Variants in HUWE1 observed in about 807,000 individuals in gnomAD.
HUWE1 encodes E3 ubiquitin-protein ligase HUWE1.
Under a neutral mutation model 299.4 loss-of-function variants are expected in HUWE1, and 18 were observed. That is an observed-to-expected ratio of 0.06 (90% CI 0.04 to 0.09). The LOEUF (loss-of-function observed/expected upper bound fraction) is 0.09, where lower values mean the gene tolerates loss of function less well. Ranked by LOEUF, HUWE1 falls within the 10% of genes least tolerant of loss-of-function variation. The pLI is 1.00. For synonymous variants in HUWE1, 1,317 were observed against 1,286.1 expected (o/e 1.02, Z -0.51); for missense variants, 1,832 against 3,462.3 (o/e 0.53, Z 11.82).
chrX:53,645,736 AATATATATATATATATATATATATAT>A lies in HUWE1; in HGVS notation c.352-299_352-274del, dbSNP rs1175668846. ...TCAAAAAAAGAAAAAAAAAAAAAAA[AATATATATATATATATATATATATAT>A]ATATATATATATATGTATTTGATAA... On this transcript the variant is annotated intron_variant, in intron 6 of 83. Transcript: ENST00000262854. 7.7e-4 allele frequency among the ~76,000 whole-genome samples: 20 copies of A among 26,129 alleles called. 2 individuals carry two copies. Among genetic ancestry groups the A allele is most frequent in the African/African-American group, 3.0e-3 (20 of 6,635 alleles). 22.7% of individuals were successfully genotyped at this position (26,129 alleles called of 115,157 possible). A position where few individuals can be genotyped will look rare whatever the true frequency, so the allele number is the denominator to read the frequency against.
chrX:53,642,066 T>G (rs2149207646), intron 7 of HUWE1, among the ~76,000 whole-genome samples: 1 of 111,587 alleles, frequency 9.0e-6, no homozygotes, highest in South Asian at 3.8e-4. Context: ...AAGTTTAATA[T>G]ATACTATAAT....
At chrX:53,589,250 A>G (rs1351521725) in intron 36 of HUWE1, among the ~76,000 whole-genome samples, 1 of 112,178 alleles carries the variant, frequency 8.9e-6, no homozygotes, top group Non-Finnish European at 1.9e-5. Context: ...TACATAGGAA[A>G]AAACATTTAT....
chrX:53,665,952 C>G (rs1161563536), intron 3 of HUWE1, among the ~76,000 whole-genome samples: 1 of 110,546 alleles, frequency 9.0e-6, no homozygotes, highest in Non-Finnish European at 1.9e-5. Context: ...GGAGTTTTCC[C>G]GAGACCAGCC....
At chrX:53,596,973 T>G (rs782169274) in intron 29 of HUWE1, among the ~76,000 whole-genome samples, 1 of 112,551 alleles carries the variant, frequency 8.9e-6, no homozygotes. Context: ...CTTGCACTTT[T>G]GTGAAATCTT....
chrX:53,632,596 T>C lies in HUWE1; in HGVS notation c.568-32A>G, dbSNP rs192988803. Reference sequence around the variant, plus strand: ...ATAAAGCACATCAAAGAATCAGACATTGAGTTTCAACTGATTATAAACATT... The same window carrying C: ...ATAAAGCACATCAAAGAATCAGACACTGAGTTTCAACTGATTATAAACATT... On this transcript the variant is annotated intron_variant, in intron 8 of 83. Coordinates refer to ENST00000262854, the MANE Select transcript of HUWE1 (RefSeq NM_031407.7). The C allele has an allele frequency of 1.9e-5, 20 of 1,029,430 alleles. No individual in the cohort carries two copies. The Admixed American group carries it at 2.4e-4, about 12-fold the overall frequency. The allele number at this position is 1,029,430 out of a possible 1,213,427, so 84.8% of individuals were successfully genotyped here.
intron 3 of HUWE1, among the ~76,000 whole-genome samples, chrX:53,658,141 G>A (rs1191440501): frequency 9.2e-6 from 1 of 108,648 alleles, no homozygotes; most frequent in Non-Finnish European, 1.9e-5. Context: ...CCCCAAAACT[G>A]AAAAACTTAG....
chrX:53,674,086 T>C (rs1359208985), intron 3 of HUWE1, among the ~76,000 whole-genome samples: 2 of 111,963 alleles, frequency 1.8e-5, no homozygotes, highest in Non-Finnish European at 3.8e-5. Context: ...CAAATTATTT[T>C]TTATCAATCT....
At position 53,618,510 on chromosome X, in the gene HUWE1, T is replaced by A. The variant is rs368763808; in HGVS notation, c.1673-1064A>T. On this transcript the variant is annotated intron_variant, in intron 19 of 83. Transcript: ENST00000262854. ...TGTATAGTTTAATAAGAAAATGTCA[T>A]AAAAATCAAATCTCAGGAAGTGACA... Among the ~76,000 whole-genome samples the A allele has an allele frequency of 3.2e-4, 35 of 108,514 alleles. No homozygotes were observed. In the East Asian group the frequency reaches 6.8e-3, roughly 21 times the overall value. The allele number at this position is 108,514 out of a possible 115,157, so 94.2% of individuals were successfully genotyped here. A position where few individuals can be genotyped will look rare whatever the true frequency, so the allele number is the denominator to read the frequency against.
chrX:53,619,769 A>G (rs1441468898), intron 19 of HUWE1, among the ~76,000 whole-genome samples: 8 of 111,557 alleles, frequency 7.2e-5, no homozygotes, highest in Non-Finnish European at 1.3e-4. Flanking sequence ...GTACTTCAAT[A>G]GAACTGAAAA....
chrX:53,604,240 T>G (rs782266580), intron 26 of HUWE1, among the ~76,000 whole-genome samples: 2 of 112,066 alleles, frequency 1.8e-5, no homozygotes, highest in Non-Finnish European at 3.8e-5. Flanking sequence ...ATTTGTTAAT[T>G]ACTATTGATT....
At position 53,544,489 on chromosome X, in the gene HUWE1, C is replaced by A. The variant is rs1394217659; in HGVS notation, c.11251+71G>T. ...ACAGGAAGGAGACAGGCCGTTAAGT[C>A]CTGCACCTCCAAGGAATCTGGCTTT... On this transcript the variant is annotated intron_variant, in intron 72 of 83. Coordinates refer to ENST00000262854, the MANE Select transcript of HUWE1 (RefSeq NM_031407.7). 2.0e-5 allele frequency: 17 copies of A among 864,326 alleles called. No homozygotes were observed. The East Asian group carries it at 5.4e-4, about 28-fold the overall frequency. 71.2% of individuals were successfully genotyped at this position (864,326 alleles called of 1,213,427 possible).
At chrX:53,673,768 A>G (rs1184378903) in intron 3 of HUWE1, among the ~76,000 whole-genome samples, 1 of 111,846 alleles carries the variant, frequency 8.9e-6, no homozygotes, top group Non-Finnish European at 1.9e-5. Context: ...AATGTTAAAA[A>G]TGATCAATTC....
chrX:53,665,984 C>T (rs1223802099), intron 3 of HUWE1, among the ~76,000 whole-genome samples: 2 of 110,837 alleles, frequency 1.8e-5, no homozygotes, highest in Admixed American at 9.6e-5. Flanking sequence ...GTGAGACCTC[C>T]GTCTCTACAA....
At chrX:53,583,296 A>C (rs1446578358) in intron 42 of HUWE1, among the ~76,000 whole-genome samples, 1 of 108,072 alleles carries the variant, frequency 9.3e-6, no homozygotes. Flanking sequence ...TGGTTAATGA[A>C]ACCTAGATTA....
At chrX:53,677,488 CTG>C (rs1346887081) in intron 3 of HUWE1, among the ~76,000 whole-genome samples, 3 of 108,421 alleles carry the variant, frequency 2.8e-5, no homozygotes, top group Non-Finnish European at 5.7e-5. Flanking sequence ...AACTTGAACT[CTG>C]TGAATCTAGC....
intron 22 of HUWE1, among the ~76,000 whole-genome samples, chrX:53,615,451 C>T (rs961639461): frequency 3.6e-5 from 4 of 111,054 alleles, no homozygotes; most frequent in African/African-American, 1.3e-4. Flanking sequence ...TGGTCTCAAA[C>T]TCCTGGCCTC....
intron 33 of HUWE1, 140 bp downstream of exon 33, chrX:53,592,258 C>T: frequency 1.9e-6 from 1 of 517,537 alleles, no homozygotes; most frequent in Non-Finnish European, 3.4e-6. Flanking sequence ...AAAATAAATA[C>T]TAAGAGAAGG....
At chrX:53,649,573 T>C (rs1428900202) in intron 4 of HUWE1, among the ~76,000 whole-genome samples, 3 of 112,226 alleles carry the variant, frequency 2.7e-5, no homozygotes, top group Non-Finnish European at 3.8e-5. Context: ...GGTAATTAAA[T>C]ATATGTAAAA....
chrX:53,678,604 T>TG (rs2069952178), intron 3 of HUWE1, among the ~76,000 whole-genome samples: 1 of 111,793 alleles, frequency 8.9e-6, no homozygotes, highest in Non-Finnish European at 1.9e-5. Flanking sequence ...GTATAATAGC[T>TG]GAAAATCAAC....
Sources: gnomAD v4.1 joint callset for allele counts (sites outside exome capture counted in the v4.1 genomes callset) on GRCh38, gnomAD v4.1.1 for gene constraint, MANE v1.5 for transcripts, NCBI Gene and HGNC (gene_info 2026-07-23, HGNC 2026-07-21) for gene names.